FOXP1: variants seen among roughly 807,000 people sequenced by gnomAD.
FOXP1 encodes the protein forkhead box protein P1.
In FOXP1, 15 loss-of-function variants were observed where a neutral mutation model predicts 98.2. That is an observed-to-expected ratio of 0.15 (90% CI 0.10 to 0.24). FOXP1 has a LOEUF of 0.24. Ranked by LOEUF, FOXP1 falls within the 10% of genes least tolerant of loss-of-function variation. The pLI is 1.00. For synonymous variants in FOXP1, 371 were observed against 314.5 expected, an observed-to-expected ratio of 1.18 and a Z score of -1.90; for missense variants, 633 against 848.5, an observed-to-expected ratio of 0.75 and a Z score of 3.15.
intron 6 of FOXP1, among the ~76,000 whole-genome samples, chr3:71,133,022 TACTC>T (rs1259342317): frequency 1.3e-5 from 2 of 152,092 alleles, no homozygotes; most frequent in African/African-American, 2.4e-5. Context: ...TTTCAACACT[TACTC>T]CAAACATCTC....
chr3:71,569,166 A>G (rs1211312898), intron 2 of FOXP1, among the ~76,000 whole-genome samples: 1 of 152,228 alleles, frequency 6.6e-6, no homozygotes, highest in East Asian at 1.9e-4. Context: ...TCAGAGCTCA[A>G]GAAAAAGCAA....
intron 5 of FOXP1, among the ~76,000 whole-genome samples, chr3:71,212,133 T>C (rs1166746596): frequency 6.6e-6 from 1 of 152,178 alleles, no homozygotes; most frequent in African/African-American, 2.4e-5. Flanking sequence ...AATTGAGACT[T>C]TCTCCTTGGC....
intron 3 of FOXP1, among the ~76,000 whole-genome samples, chr3:71,483,470 C>T (rs62247165): frequency 0.35 from 53,077 of 152,054 alleles, 10,072 homozygotes; most frequent in Non-Finnish European, 0.43. Context: ...ACTATAGGCG[C>T]GTGGGCCACA....
Position 70,957,051 on chromosome 3 carries a change from C to A in FOXP1, c.*2196G>T, listed in dbSNP as rs1344984897. 3.6e-5 allele frequency: 8 copies of A among 222,566 alleles called. No homozygotes were observed. The highest frequency in any genetic ancestry group is 1.8e-4 in the African/African-American group (8 of 44,896). The allele number at this position is 222,566 out of a possible 1,614,324, so 13.8% of individuals were successfully genotyped here. A position where few individuals can be genotyped will look rare whatever the true frequency, so the allele number is the denominator to read the frequency against. On this transcript the variant is annotated 3_prime_UTR_variant, in exon 21 of 21. Coordinates refer to ENST00000649528, the MANE Select transcript of FOXP1 (RefSeq NM_001349338.3). Reference sequence around the variant, plus strand: ...ATACAATCTAAAAATATCTCTTTTTCTAGAAATACTATTATGTAATCTAGT... The same window carrying A: ...ATACAATCTAAAAATATCTCTTTTTATAGAAATACTATTATGTAATCTAGT...
intron 7 of FOXP1, among the ~76,000 whole-genome samples, chr3:71,099,711 C>T (rs1017730405): frequency 6.6e-6 from 1 of 152,102 alleles, no homozygotes; most frequent in Admixed American, 6.5e-5. Context: ...AAAGGTGGTA[C>T]CGGGACTATA....
chr3:71,372,849 A>T (rs2079442379), intron 3 of FOXP1, among the ~76,000 whole-genome samples: 1 of 152,226 alleles, frequency 6.6e-6, no homozygotes, highest in Non-Finnish European at 1.5e-5. Context: ...TTCAGGCATC[A>T]GAAATTGACT....
chr3:71,475,813 G>T (rs1163447611), intron 3 of FOXP1, among the ~76,000 whole-genome samples: 3 of 151,230 alleles, frequency 2.0e-5, no homozygotes, highest in Non-Finnish European at 4.4e-5. Flanking sequence ...CTGCACTCTA[G>T]CCTGGGAGAA....
At chr3:71,531,684 A>C (rs2043863185) in intron 2 of FOXP1, among the ~76,000 whole-genome samples, 1 of 152,186 alleles carries the variant, frequency 6.6e-6, no homozygotes, top group Non-Finnish European at 1.5e-5. Context: ...GGAATGATTT[A>C]TCATTTCTGA....
chr3:70,970,591 AG>A (rs2036003027), intron 19 of FOXP1, 144 bp downstream of exon 19: 1 of 763,434 alleles, frequency 1.3e-6, no homozygotes, highest in Non-Finnish European at 2.4e-6. Context: ...GTTTGCCTCC[AG>A]GGAGTATGAT....
At chr3:71,385,809 T>C (rs542576838) in intron 3 of FOXP1, among the ~76,000 whole-genome samples, 1 of 152,290 alleles carries the variant, frequency 6.6e-6, no homozygotes, top group Admixed American at 6.5e-5. Context: ...GCCACTTTCT[T>C]TTCCCCGCAC....
intron 11 of FOXP1, among the ~76,000 whole-genome samples, chr3:71,038,449 A>G (rs1048850923): frequency 1.3e-5 from 2 of 152,196 alleles, no homozygotes; most frequent in African/African-American, 2.4e-5. Flanking sequence ...ATTGATGAGT[A>G]AGAGAGAAAA....
chr3:71,319,880 C>T (rs951012955), intron 4 of FOXP1, among the ~76,000 whole-genome samples: 6 of 152,172 alleles, frequency 3.9e-5, no homozygotes, highest in Non-Finnish European at 8.8e-5. Context: ...TACCACCACA[C>T]GCCTAGCCAA....
intron 7 of FOXP1, among the ~76,000 whole-genome samples, chr3:71,111,017 C>T (rs138507348): frequency 1.3e-5 from 2 of 152,316 alleles, no homozygotes; most frequent in African/African-American, 2.4e-5. Flanking sequence ...TAGTGCTGAA[C>T]TCTCTCTGGA....
chr3:70,987,484 T>A (rs1417516148), intron 14 of FOXP1, among the ~76,000 whole-genome samples: 1 of 152,216 alleles, frequency 6.6e-6, no homozygotes, highest in African/African-American at 2.4e-5. Context: ...TTAGAGCCTC[T>A]CCATAATTTA....
At chr3:71,203,759 T>C (rs2063811918) in intron 5 of FOXP1, among the ~76,000 whole-genome samples, 8 of 152,196 alleles carry the variant, frequency 5.3e-5, no homozygotes, top group Admixed American at 5.2e-4. Flanking sequence ...TTTCTATTTC[T>C]ATGGGGAGAA....
At chr3:71,387,572 T>C (rs1033002442) in intron 3 of FOXP1, among the ~76,000 whole-genome samples, 1 of 152,250 alleles carries the variant, frequency 6.6e-6, no homozygotes, top group South Asian at 2.1e-4. Context: ...CTTAATATTG[T>C]CTGTAATCTG....
intron 5 of FOXP1, among the ~76,000 whole-genome samples, chr3:71,282,793 G>A (rs1269591874): frequency 6.6e-6 from 1 of 152,074 alleles, no homozygotes; most frequent in African/African-American, 2.4e-5. Context: ...TTCACAGATG[G>A]GGACAATTAA....
intron 2 of FOXP1, among the ~76,000 whole-genome samples, chr3:71,578,988 T>C (rs900717419): frequency 6.6e-6 from 1 of 152,238 alleles, no homozygotes; most frequent in African/African-American, 2.4e-5. Context: ...CATTGCTTAA[T>C]TATACAATAA....
chr3:71,498,824 G>A (rs957123357), intron 2 of FOXP1, among the ~76,000 whole-genome samples: 5 of 152,142 alleles, frequency 3.3e-5, no homozygotes, highest in Admixed American at 1.3e-4. Flanking sequence ...GGTCCAAGAC[G>A]GGGCCTGAGA....
Sources: allele counts gnomAD v4.1 joint callset (sites outside exome capture counted in the v4.1 genomes callset), GRCh38; gene constraint gnomAD v4.1.1; transcripts MANE v1.5; gene names NCBI Gene and HGNC (gene_info 2026-07-23, HGNC 2026-07-21).